The following MAGI2 variants were observed in gnomAD, a reference collection of about 807,000 sequenced individuals.
The protein encoded by MAGI2 is membrane associated guanylate kinase, WW and PDZ domain containing 2.
A neutral mutation model predicts 133.3 loss-of-function variants in MAGI2; 35 were observed. That is an observed-to-expected ratio of 0.26 (90% CI 0.20 to 0.35). The LOEUF (loss-of-function observed/expected upper bound fraction) is 0.35. Among genes scored for constraint, MAGI2 ranks in the 10% least tolerant of loss-of-function variants. MAGI2 has a pLI of 1.00. For missense variants in MAGI2, 1,636 were observed against 1,863.4 expected, an observed-to-expected ratio of 0.88 and a Z score of 2.25; for synonymous variants, 729 against 710.6, an observed-to-expected ratio of 1.03 and a Z score of -0.41.
chr7:78,129,505 C>G (rs779391851), intron 18 of MAGI2, among the ~76,000 whole-genome samples: 19 of 152,224 alleles, frequency 1.2e-4, no homozygotes, highest in Non-Finnish European at 2.2e-4. Context: ...CCCTTCATAG[C>G]TATTAATTCA....
Position 78,912,747 on chromosome 7 carries a change from T to A in MAGI2, c.418+94343A>T, listed in dbSNP as rs554821601. 4.0e-3 allele frequency among the ~76,000 whole-genome samples: 580 copies of A among 145,800 alleles called. 7 individuals carry two copies. Among genetic ancestry groups the A allele is most frequent in the African/African-American group, 0.014 (562 of 38,998 alleles). ...TATATATCATTCATATATATATCAT[T>A]CATATATATATATATCATTCATATA... On this transcript the variant is annotated intron_variant, in intron 2 of 21. Transcript: ENST00000354212.
chr7:78,290,222 GAC>G (rs1446009091), intron 9 of MAGI2, among the ~76,000 whole-genome samples: 1 of 152,144 alleles, frequency 6.6e-6, no homozygotes, highest in Non-Finnish European at 1.5e-5. Flanking sequence ...CACATGCAGA[GAC>G]ACACATAGAC....
intron 2 of MAGI2, among the ~76,000 whole-genome samples, chr7:78,662,023 C>T (rs1190490341): frequency 6.6e-6 from 1 of 152,088 alleles, no homozygotes; most frequent in Non-Finnish European, 1.5e-5. Flanking sequence ...GAATAATCTG[C>T]TTACACGGGT....
chr7:78,555,586 G>A (rs1259133386), intron 3 of MAGI2, among the ~76,000 whole-genome samples: 4 of 152,120 alleles, frequency 2.6e-5, no homozygotes, highest in Non-Finnish European at 5.9e-5. Context: ...TGATAATGAA[G>A]TTATTTCTGA....
intron 21 of MAGI2, among the ~76,000 whole-genome samples, chr7:78,038,393 T>C (rs1810455863): frequency 8.9e-6 from 1 of 112,790 alleles, no homozygotes; most frequent in Non-Finnish European, 1.8e-5. Flanking sequence ...AAACACTAAC[T>C]TGATGTTTTA....
chr7:78,290,907 T>C (rs552461659), intron 9 of MAGI2, among the ~76,000 whole-genome samples: 20 of 152,274 alleles, frequency 1.3e-4, no homozygotes, highest in Middle Eastern at 3.4e-3. Context: ...AGACACAACA[T>C]ACCAGAATCT....
At chr7:79,232,445 C>T (rs1367412356) in intron 1 of MAGI2, among the ~76,000 whole-genome samples, 1 of 146,832 alleles carries the variant, frequency 6.8e-6, no homozygotes, top group African/African-American at 2.6e-5. Context: ...GGTTGGTAAA[C>T]TATTGATTAT....
intron 1 of MAGI2, among the ~76,000 whole-genome samples, chr7:79,098,054 G>A (rs1437401136): frequency 1.3e-4 from 20 of 152,118 alleles, no homozygotes; most frequent in African/African-American, 3.6e-4. Flanking sequence ...TCCGGGAGGC[G>A]GAGGCTGCAG....
intron 13 of MAGI2, among the ~76,000 whole-genome samples, chr7:78,179,679 A>AAGAATATTAAGAATATTAAGAATATTAAG (rs1270654558): frequency 6.6e-6 from 1 of 152,232 alleles, no homozygotes; most frequent in African/African-American, 2.4e-5. Context: ...GAATAATATT[A>AAGAATATTAAGAATATTAAGAATATTAAG]AACTCTGCAA....
intron 6 of MAGI2, among the ~76,000 whole-genome samples, chr7:78,464,165 C>T (rs1790371877): frequency 6.6e-6 from 1 of 152,124 alleles, no homozygotes; most frequent in Non-Finnish European, 1.5e-5. Flanking sequence ...CGGAGCATTT[C>T]TAAAAAGGAT....
At chr7:78,261,871 T>G (rs754166576) in intron 9 of MAGI2, among the ~76,000 whole-genome samples, 19 of 152,184 alleles carry the variant, frequency 1.2e-4, no homozygotes, top group Non-Finnish European at 2.4e-4. Flanking sequence ...CTGAGTCTAC[T>G]CAACCCCCAC....
At chr7:79,405,734 C>T (rs1845759714) in intron 1 of MAGI2, among the ~76,000 whole-genome samples, 1 of 152,032 alleles carries the variant, frequency 6.6e-6, no homozygotes, top group East Asian at 1.9e-4. Flanking sequence ...TAATTTTAGA[C>T]TCTAAACTTT....
chr7:79,019,625 A>T (rs186182533), intron 1 of MAGI2, among the ~76,000 whole-genome samples: 1 of 150,684 alleles, frequency 6.6e-6, no homozygotes, highest in East Asian at 2.0e-4. Flanking sequence ...GCTCGCTTCC[A>T]CTTCTGCATC....
intron 10 of MAGI2, among the ~76,000 whole-genome samples, chr7:78,215,120 G>A (rs1027759649): frequency 7.2e-5 from 11 of 152,126 alleles, no homozygotes; most frequent in African/African-American, 2.7e-4. Context: ...GGAGGACTTG[G>A]GTGACTCTAC....
At chr7:79,042,037 A>G (rs563773597) in intron 1 of MAGI2, among the ~76,000 whole-genome samples, 16 of 152,316 alleles carry the variant, frequency 1.1e-4, no homozygotes, top group African/African-American at 3.8e-4. Context: ...CGAGAGATAA[A>G]TTAAGAAAAT....
At chr7:78,492,720 C>G (rs1204614702) in intron 5 of MAGI2, among the ~76,000 whole-genome samples, 1 of 152,100 alleles carries the variant, frequency 6.6e-6, no homozygotes, top group Non-Finnish European at 1.5e-5. Flanking sequence ...TGCATGACAT[C>G]AGTTTTCTGT....
intron 6 of MAGI2, among the ~76,000 whole-genome samples, chr7:78,383,854 C>G (rs1304866528): frequency 6.6e-6 from 1 of 152,044 alleles, no homozygotes; most frequent in African/African-American, 2.4e-5. Context: ...AGAGGGTGTC[C>G]TTTTCCCACC....
At chr7:78,786,559 G>T (rs1447383546) in intron 2 of MAGI2, among the ~76,000 whole-genome samples, 1 of 152,126 alleles carries the variant, frequency 6.6e-6, no homozygotes, top group Non-Finnish European at 1.5e-5. Flanking sequence ...AGGGCTTCCT[G>T]ACAGCCCTTC....
At chr7:78,849,004 C>T (rs1397468017) in intron 2 of MAGI2, among the ~76,000 whole-genome samples, 1 of 152,052 alleles carries the variant, frequency 6.6e-6, no homozygotes, top group Non-Finnish European at 1.5e-5. Context: ...AATGAATGAA[C>T]TAACCAATTA....
Sources: gnomAD v4.1 joint callset for allele counts (sites outside exome capture counted in the v4.1 genomes callset) on GRCh38, gnomAD v4.1.1 for gene constraint, MANE v1.5 for transcripts, NCBI Gene and HGNC (gene_info 2026-07-23, HGNC 2026-07-21) for gene names.